Variants in BHMT2 observed in about 807,000 individuals in gnomAD.
The protein encoded by BHMT2 is betaine--homocysteine S-methyltransferase 2.
Under a neutral mutation model 39.0 loss-of-function variants are expected in BHMT2, and 28 were observed. The ratio of observed to expected loss-of-function variants is 0.72; its 90% CI spans 0.53 to 0.98. The LOEUF (loss-of-function observed/expected upper bound fraction) is 0.98, where lower values mean the gene tolerates loss of function less well. Ranked by LOEUF, BHMT2 falls within the 50% of genes least tolerant of loss-of-function variation. The pLI is 0.00. For missense variants in BHMT2, 410 were observed against 455.6 expected, an observed-to-expected ratio of 0.90 and a Z score of 0.91; for synonymous variants, 145 against 160.6, an observed-to-expected ratio of 0.90 and a Z score of 0.74.
In BHMT2 at chr5:79,080,667, C is replaced by A; in HGVS notation, c.259-20C>A. ...CAAACTGCTAGGCTCACTATCTGAA[C>A]TCTTGCTCTCTAACCTCAGTGGGAA... is the stretch of plus-strand genomic sequence containing the variant. On this transcript the variant is annotated intron_variant, in intron 3 of 7. Transcript: ENST00000255192. 6.4e-7 allele frequency: 1 copy of A among 1,563,204 alleles called. No individual in the cohort carries two copies. The highest frequency in any genetic ancestry group is 8.6e-7 in the Non-Finnish European group (1 of 1,163,844).
chr5:79,087,000 G>GTA (rs1437452820), intron 7 of BHMT2, among the ~76,000 whole-genome samples: 10 of 103,212 alleles, frequency 9.7e-5, no homozygotes, highest in African/African-American at 1.3e-4. Context: ...GTGTATGTAT[G>GTA]TGTGTGTGTG....
chr5:79,082,978 A>C, intron 5 of BHMT2, 22 bp downstream of exon 5: 1 of 1,613,916 alleles, frequency 6.2e-7, no homozygotes. Flanking sequence ...CCATACCGTG[A>C]TACACAGCTC....
chr5:79,070,011 G>A (rs1157580276), intron 1 of BHMT2, among the ~76,000 whole-genome samples, 196 bp downstream of exon 1: 1 of 152,196 alleles, frequency 6.6e-6, no homozygotes, highest in Non-Finnish European at 1.5e-5. Context: ...GCCTGGCGCT[G>A]CACAGAGTGC....
At chr5:79,074,637 G>A (rs1266275335) in intron 1 of BHMT2, among the ~76,000 whole-genome samples, 1 of 152,174 alleles carries the variant, frequency 6.6e-6, no homozygotes, top group Non-Finnish European at 1.5e-5. Flanking sequence ...CTGACACCTG[G>A]GTGGGTCACT....
chr5:79,084,947 G>T (rs144133448), intron 7 of BHMT2, among the ~76,000 whole-genome samples: 189 of 152,146 alleles, frequency 1.2e-3, no homozygotes, highest in African/African-American at 4.2e-3. Context: ...TATAAGGCAG[G>T]AATCTCTTGA....
intron 2 of BHMT2, among the ~76,000 whole-genome samples, chr5:79,079,035 ACCAG>A (rs1430516443): frequency 6.6e-6 from 1 of 152,202 alleles, no homozygotes; most frequent in East Asian, 1.9e-4. Flanking sequence ...ACTATAGTAG[ACCAG>A]CTCTGTCCTT....
chr5:79,088,709 C>T lies in BHMT2; in HGVS notation c.*135C>T. 1.5e-6 allele frequency: 1 copy of T among 649,108 alleles called. No homozygotes were observed. Among genetic ancestry groups the T allele is most frequent in the East Asian group, 2.8e-5 (1 of 35,504 alleles). 40.2% of individuals were successfully genotyped at this position (649,108 alleles called of 1,614,324 possible). A position where few individuals can be genotyped will look rare whatever the true frequency, so the allele number is the denominator to read the frequency against. On this transcript the variant is annotated 3_prime_UTR_variant, in exon 8 of 8. Transcript: ENST00000255192. ...TGCTGAGCAGCTGAGGTGCTGCAGC[C>T]CCTTCCCTTCCAGCCCACAAGTGTG...
Position 79,077,632 on chromosome 5 carries a change from A to G in BHMT2, c.166+20A>G, listed in dbSNP as rs750146377. ...ACGCAGGTTGGTGTCCACATCCCCA[A>G]GAGTGTCTACCTGAGTGGTATTTTA... On this transcript the variant is annotated intron_variant, in intron 2 of 7. Transcript: ENST00000255192. 4 of 1,609,926 alleles carry G rather than the reference A, an allele frequency of 2.5e-6. No individual in the cohort carries two copies. The highest frequency in any genetic ancestry group is 1.1e-5 in the South Asian group (1 of 90,096).
chr5:79,071,468 A>C (rs1392333032), intron 1 of BHMT2, among the ~76,000 whole-genome samples: 2 of 152,238 alleles, frequency 1.3e-5, no homozygotes, highest in Admixed American at 6.5e-5. Flanking sequence ...AATGCACCCT[A>C]GAGCTCGCTG....
chr5:79,081,242 C>G (rs946569593), intron 4 of BHMT2, among the ~76,000 whole-genome samples: 2 of 152,150 alleles, frequency 1.3e-5, no homozygotes, highest in African/African-American at 4.8e-5. Flanking sequence ...CATGTGTGGG[C>G]TGGGGACTGA....
At chr5:79,081,990 G>A (rs1277446657) in intron 4 of BHMT2, among the ~76,000 whole-genome samples, 1 of 152,158 alleles carries the variant, frequency 6.6e-6, no homozygotes, top group African/African-American at 2.4e-5. Context: ...CATCTGCAGG[G>A]ACAAGCACAA....
At chr5:79,086,674 T>C (rs1755901942) in intron 7 of BHMT2, among the ~76,000 whole-genome samples, 1 of 152,156 alleles carries the variant, frequency 6.6e-6, no homozygotes, top group Admixed American at 6.6e-5. Context: ...TGCATTCCCG[T>C]GGATATATTG....
intron 7 of BHMT2, among the ~76,000 whole-genome samples, chr5:79,086,599 T>G (rs1245238796): frequency 6.6e-6 from 1 of 152,206 alleles, no homozygotes; most frequent in Non-Finnish European, 1.5e-5. Context: ...TAATCCTATT[T>G]ACAAAACTTG....
intron 6 of BHMT2, 68 bp from the exon 7 acceptor site, chr5:79,083,560 C>G: frequency 6.4e-7 from 1 of 1,570,540 alleles, no homozygotes; most frequent in Non-Finnish European, 8.6e-7. Flanking sequence ...GGAAAAACTG[C>G]TCATTAGAGC....
intron 7 of BHMT2, among the ~76,000 whole-genome samples, chr5:79,086,328 G>A (rs1488989599): frequency 1.3e-5 from 2 of 152,122 alleles, no homozygotes; most frequent in Non-Finnish European, 2.9e-5. Flanking sequence ...AAAGTAGCTG[G>A]CCCATTGTTC....
rs1755982658 is a variant in BHMT2 at position 79,089,565 on chromosome 5, T to G, written c.*991T>G. ...AAGATCACGTGATAAGCTTATAATC[T>G]TCTCATAATTCCCCTTACTTAGCAT... is the stretch of plus-strand genomic sequence containing the variant. On this transcript the variant is annotated 3_prime_UTR_variant, in exon 8 of 8. Transcript: ENST00000255192. 6.6e-6 allele frequency: 1 copy of G among 152,214 alleles called. No homozygotes were observed. Among genetic ancestry groups the G allele is most frequent in the African/African-American group, 2.4e-5 (1 of 41,454 alleles). 9.4% of individuals were successfully genotyped at this position (152,214 alleles called of 1,614,324 possible).
At chr5:79,079,231 T>C (rs538426915) in intron 2 of BHMT2, 138 bp from the exon 3 acceptor site, 2 of 609,598 alleles carry the variant, frequency 3.3e-6, no homozygotes, top group South Asian at 4.0e-5. Flanking sequence ...CTATAATTTT[T>C]TGTTACTACT....
Position 79,079,400 on chromosome 5 carries a change from AG to A in BHMT2, c.200del (p.Gly67AspfsTer24). On this transcript the variant is annotated frameshift_variant, in exon 3 of 8. Coordinates refer to ENST00000255192, the MANE Select transcript of BHMT2 (RefSeq NM_017614.5). LOFTEE classifies it high-confidence loss of function. Reference sequence around the variant, plus strand: ...AACTTCACATGGAATTCTTGAGAGCAGGATCAAATGTCATGCAGACTTTTAC... The same window carrying A: ...AACTTCACATGGAATTCTTGAGAGCAGATCAAATGTCATGCAGACTTTTAC... ...RQLHMEFLRA[G>X]SNVMQTFTFS... 6.2e-7 allele frequency: 1 copy of A among 1,613,942 alleles called. No individual in the cohort carries two copies. Among genetic ancestry groups the A allele is most frequent in the Non-Finnish European group, 8.5e-7 (1 of 1,179,888 alleles).
At position 79,079,381 on chromosome 5, in the gene BHMT2, A is replaced by G; in HGVS notation, c.179A>G (p.His60Arg). Residue 60 changes from histidine to arginine, a missense_variant, in exon 3 of 8, where the codon CAC becomes CGC. By Grantham distance (29) the His-to-Arg change is conservative (BLOSUM62 0). Transcript: ENST00000255192. ...AACTACTTTGTAGTTCGTCAACTTC[A>G]CATGGAATTCTTGAGAGCAGGATCA... ...IEHPDAVRQL[H>R]MEFLRAGSNV... 1.2e-6 allele frequency: 2 copies of G among 1,612,950 alleles called. No homozygotes were observed. The highest frequency in any genetic ancestry group is 1.7e-6 in the Non-Finnish European group (2 of 1,179,198).
Sources: allele counts gnomAD v4.1 joint callset (sites outside exome capture counted in the v4.1 genomes callset), GRCh38; gene constraint gnomAD v4.1.1; transcripts MANE v1.5; gene names NCBI Gene and HGNC (gene_info 2026-07-23, HGNC 2026-07-21).